The following SULF2 variants were observed in gnomAD, a reference collection of about 807,000 sequenced individuals.
The protein encoded by SULF2 is sulfatase 2.
SULF2 carries 52 observed loss-of-function variants against 107.7 expected under a neutral mutation model. The ratio of observed to expected loss-of-function variants is 0.48; its 90% CI spans 0.39 to 0.61. The LOEUF is 0.61. Among genes scored for constraint, SULF2 ranks in the 20% least tolerant of loss-of-function variants. The pLI, the probability that SULF2 is intolerant of heterozygous loss-of-function variation, is 0.00. For missense variants in SULF2, 993 were observed against 1,177.3 expected (o/e 0.84, Z 2.29); for synonymous variants, 460 against 464.3 (o/e 0.99, Z 0.12).
At chr20:47,732,288 A>T (rs1305924824) in intron 3 of SULF2, among the ~76,000 whole-genome samples, 1 of 152,204 alleles carries the variant, frequency 6.6e-6, no homozygotes, top group Admixed American at 6.5e-5. Flanking sequence ...GAGTTAAGTG[A>T]CATTATTAAC....
intron 1 of SULF2, among the ~76,000 whole-genome samples, chr20:47,775,207 G>A (rs1026955910): frequency 8.5e-5 from 13 of 152,184 alleles, no homozygotes; most frequent in African/African-American, 2.2e-4. Flanking sequence ...ATGCTGTGCC[G>A]GTTTTGCGGT....
At chr20:47,672,104 GAC>G (rs1361199927) in intron 11 of SULF2, 92 bp downstream of exon 11, 3 of 1,357,966 alleles carry the variant, frequency 2.2e-6, no homozygotes, top group Non-Finnish European at 3.0e-6. Context: ...CTGGCAAAGT[GAC>G]AGTCTCTGTG....
At chr20:47,748,569 C>T (rs149279175) in intron 2 of SULF2, among the ~76,000 whole-genome samples, 58 of 152,352 alleles carry the variant, frequency 3.8e-4, no homozygotes, top group African/African-American at 1.4e-3. Flanking sequence ...CTGCCTGCCG[C>T]CTTCCAGCCC....
In SULF2 at chr20:47,730,500, G is replaced by C. The variant is rs543719297; in HGVS notation, c.415+6203C>G. Among the ~76,000 whole-genome samples, 12 of 152,256 alleles carry C rather than the reference G, an allele frequency of 7.9e-5. No individual in the cohort carries two copies. The East Asian group carries it at 2.3e-3, about 29-fold the overall frequency. ...GGAGTCTCATTCTGTCACCAGGCTG[G>C]AGTGCAGTGGTGCAATCTCGGCTCA... is the stretch of plus-strand genomic sequence containing the variant. On this transcript the variant is annotated intron_variant, in intron 3 of 20. Coordinates refer to ENST00000688720, the MANE Select transcript of SULF2 (RefSeq NM_001387048.1).
chr20:47,720,827 G>A (rs115717400), intron 3 of SULF2, among the ~76,000 whole-genome samples: 2 of 152,142 alleles, frequency 1.3e-5, no homozygotes, highest in Non-Finnish European at 1.5e-5. Flanking sequence ...TGGGGCTCCC[G>A]GTCTGGGCAG....
intron 20 of SULF2, among the ~76,000 whole-genome samples, chr20:47,658,948 G>A (rs760238664): frequency 1.4e-4 from 22 of 152,194 alleles, no homozygotes; most frequent in African/African-American, 2.2e-4. Context: ...TAGAATAGAG[G>A]TGAACTTTAC....
intron 3 of SULF2, among the ~76,000 whole-genome samples, chr20:47,731,056 C>T (rs1193253474): frequency 6.6e-6 from 1 of 152,054 alleles, no homozygotes; most frequent in Non-Finnish European, 1.5e-5. Context: ...TTGCTCCTGC[C>T]AGATGTGGAC....
chr20:47,754,134 C>G (rs7271092), intron 2 of SULF2, among the ~76,000 whole-genome samples: 2,599 of 152,224 alleles, frequency 0.017, 66 homozygotes, highest in African/African-American at 0.059. Context: ...CCGAACCCCC[C>G]AACCTTGCAA....
Position 47,690,273 on chromosome 20 carries a change from G to A in SULF2, c.590C>T (p.Thr197Ile). The A allele has an allele frequency of 6.5e-7, 1 of 1,536,308 alleles. No individual in the cohort carries two copies. Among genetic ancestry groups the A allele is most frequent in the South Asian group, 1.3e-5 (1 of 79,658 alleles). The change falls in exon 5 of 21, where the codon ACC becomes ATC. Residue 197 changes from threonine to isoleucine, a missense_variant. By Grantham distance (89) the Thr-to-Ile change is moderately conservative (BLOSUM62 -1). This residue lies in a region of SULF2 where 388 missense variants were observed against 449.2 expected (regional missense o/e 0.86). Transcript: ENST00000688720. ...YSKDYLTDLITNDSVSFFRTS... is the reference protein window; with the variant it reads ...YSKDYLTDLIINDSVSFFRTS... Reference sequence around the variant, plus strand: ...GCGGAAGAAGCTCACGCTGTCATTGGTGATGAGGTCTGTGAGGTAATCCTG... The same window carrying A: ...GCGGAAGAAGCTCACGCTGTCATTGATGATGAGGTCTGTGAGGTAATCCTG...
intron 2 of SULF2, 62 bp downstream of exon 2, chr20:47,757,127 A>C (rs935707023): frequency 2.1e-6 from 3 of 1,433,908 alleles, no homozygotes; most frequent in Non-Finnish European, 2.8e-6. Context: ...CAGGAGCCTC[A>C]GCCTAACCCA....
In SULF2 at chr20:47,756,821, G is replaced by C. The variant is rs540207406; in HGVS notation, c.175+368C>G. On this transcript the variant is annotated intron_variant, in intron 2 of 20. Transcript: ENST00000688720. ...CCATCATGCCTGGCTCATTTCTGTA[G>C]TTTTAGTAAAGACGGGGTTTCACCA... is the stretch of plus-strand genomic sequence containing the variant. 6.6e-5 allele frequency among the ~76,000 whole-genome samples: 10 copies of C among 152,146 alleles called. No individual in the cohort carries two copies. In the South Asian group the frequency reaches 1.7e-3, roughly 25 times the overall value.
At chr20:47,740,217 T>G (rs532874143) in intron 2 of SULF2, among the ~76,000 whole-genome samples, 3 of 152,284 alleles carry the variant, frequency 2.0e-5, no homozygotes, top group Admixed American at 6.5e-5. Context: ...GAACTGAACC[T>G]GGGGAGCTGA....
chr20:47,661,585 T>C (rs774877864), intron 18 of SULF2, 188 bp downstream of exon 18: 11 of 455,114 alleles, frequency 2.4e-5, no homozygotes, highest in Non-Finnish European at 3.8e-5. Flanking sequence ...TGTTCCTCTC[T>C]CAGGAATCAC....
chr20:47,690,879 A>AAC (rs977064756), intron 4 of SULF2, among the ~76,000 whole-genome samples: 1 of 151,896 alleles, frequency 6.6e-6, no homozygotes, highest in African/African-American at 2.4e-5. Flanking sequence ...AAAAAAAAAA[A>AAC]AAAAGATATT....
chr20:47,784,801 G>A (rs1568940833), intron 1 of SULF2, among the ~76,000 whole-genome samples: 1 of 152,188 alleles, frequency 6.6e-6, no homozygotes, highest in Non-Finnish European at 1.5e-5. Context: ...GCCAGGCGAT[G>A]GAAACTCGTT....
chr20:47,774,183 A>G (rs761100067), intron 1 of SULF2, among the ~76,000 whole-genome samples: 39 of 152,352 alleles, frequency 2.6e-4, no homozygotes, highest in Non-Finnish European at 4.4e-4. Flanking sequence ...CGGCTTCCCA[A>G]TGTGGCTTGC....
chr20:47,778,750 G>A (rs963398697), intron 1 of SULF2, among the ~76,000 whole-genome samples: 1 of 152,198 alleles, frequency 6.6e-6, no homozygotes, highest in African/African-American at 2.4e-5. Context: ...CGAGCCTTCA[G>A]GAACTTCTTG....
Position 47,702,636 on chromosome 20 carries a change from G to GCC in SULF2, c.448_449dup (p.Ser151AlafsTer30). Reference sequence around the variant, plus strand: ...CCTTCCAGCCGGGTGGCACGTAGGAGCCGTTGTATTCATTAAGATACTTCC... The same window carrying GCC: ...CCTTCCAGCCGGGTGGCACGTAGGAGCCCCGTTGTATTCATTAAGATACTTCC... On this transcript the variant is annotated frameshift_variant, in exon 4 of 21. Transcript: ENST00000688720. LOFTEE classifies it high-confidence loss of function. 1.9e-6 allele frequency: 3 copies of GCC among 1,613,988 alleles called. No homozygotes were observed. The highest frequency in any genetic ancestry group is 2.5e-6 in the Non-Finnish European group (3 of 1,180,026).
intron 4 of SULF2, among the ~76,000 whole-genome samples, chr20:47,691,434 C>T (rs1602656932): frequency 6.6e-6 from 1 of 152,202 alleles, no homozygotes; most frequent in East Asian, 1.9e-4. Context: ...TTGCCAGAAT[C>T]CCCTGGAGAG....
Sources: gnomAD v4.1 joint callset for allele counts (sites outside exome capture counted in the v4.1 genomes callset) on GRCh38, gnomAD v4.1.1 for gene constraint, gnomAD v4.1.1 regional missense constraint, MANE v1.5 for transcripts, NCBI Gene and HGNC (gene_info 2026-07-23, HGNC 2026-07-21) for gene names.